Variants in KCNG2 observed in about 807,000 individuals in gnomAD.
KCNG2 encodes potassium voltage-gated channel modifier subfamily G member 2.
Under a neutral mutation model 12.3 loss-of-function variants are expected in KCNG2, and 7 were observed. That is an observed-to-expected ratio of 0.57 (90% confidence interval 0.32 to 1.07). KCNG2 has a LOEUF of 1.07. Among genes scored for constraint, KCNG2 ranks in the 50% least tolerant of loss-of-function variants. The pLI is 0.04. For missense variants in KCNG2, 703 were observed against 726.0 expected (o/e 0.97, Z 0.36); for synonymous variants, 414 against 351.4 (o/e 1.18, Z -1.99).
In KCNG2 at chr18:79,798,250, C is replaced by T. The variant is rs1054541971; in HGVS notation, c.-115+236C>T. Among the ~76,000 whole-genome samples the T allele has an allele frequency of 2.8e-4, 43 of 151,992 alleles. 1 individual carries two copies. The Middle Eastern group carries it at 0.014, about 48-fold the overall frequency. ...GGCCGGGCGGGGCTGGTGCCTCCCC[C>T]TCCCGCTCAGCGCCCAGAGTCCGGG... is the stretch of plus-strand genomic sequence containing the variant. On this transcript the variant is annotated intron_variant, in intron 1 of 3. Coordinates refer to ENST00000316249, the MANE Select transcript of KCNG2 (RefSeq NM_012283.2).
intron 1 of KCNG2, among the ~76,000 whole-genome samples, chr18:79,810,844 A>C (rs1207465264): frequency 6.6e-6 from 1 of 152,248 alleles, no homozygotes; most frequent in Non-Finnish European, 1.5e-5. Context: ...AGGACTGTCC[A>C]ACCTTAGAAG....
chr18:79,899,398 TC>T lies in KCNG2; in HGVS notation c.985del (p.Leu329SerfsTer39). On this transcript the variant is annotated frameshift_variant, in exon 4 of 4. Coordinates refer to ENST00000316249, the MANE Select transcript of KCNG2 (RefSeq NM_012283.2). LOFTEE classifies it low-confidence loss of function (END_TRUNC). ...CAREFGLLLLFLCVAMALFAP... is the reference protein window; with the variant it reads ...CAREFGLLLLXLCVAMALFAP... ...CGCGAGTTCGGGCTGCTGCTGCTGTTCCTCTGCGTGGCCATGGCGCTCTTCG... is the reference window on the plus strand; with the variant it reads ...CGCGAGTTCGGGCTGCTGCTGCTGTTCTCTGCGTGGCCATGGCGCTCTTCG... 6.3e-7 allele frequency: 1 copy of T among 1,578,710 alleles called. No homozygotes were observed. The highest frequency in any genetic ancestry group is 8.6e-7 in the Non-Finnish European group (1 of 1,167,420).
intron 1 of KCNG2, chr18:79,816,037 T>G (rs2087525562): frequency 2.0e-5 from 3 of 152,272 alleles, no homozygotes; most frequent in Non-Finnish European, 4.4e-5. Context: ...TACTGTCTGA[T>G]TTTCCATTTT....
Position 79,822,788 on chromosome 18 carries a change from G to A in KCNG2, c.-115+24774G>A, listed in dbSNP as rs1182064653. 1.3e-5 allele frequency among the ~76,000 whole-genome samples: 2 copies of A among 152,146 alleles called. No individual in the cohort carries two copies. The highest frequency in any genetic ancestry group is 4.8e-5 in the African/African-American group (2 of 41,426). ...GAGCCTGCTGCGTGTGGCTCTTCTA[G>A]TCTTTAGCCTCCGGATTTCATGGAA... On this transcript the variant is annotated intron_variant, in intron 1 of 3. Coordinates refer to ENST00000316249, the MANE Select transcript of KCNG2 (RefSeq NM_012283.2). The surrounding 1 kb of genome is among the most constrained non-coding windows in gnomAD (Gnocchi z 4.4).
intron 1 of KCNG2, among the ~76,000 whole-genome samples, chr18:79,799,615 T>C (rs1288658287): frequency 1.3e-5 from 2 of 152,240 alleles, no homozygotes; most frequent in African/African-American, 4.8e-5. Flanking sequence ...GTGCCAGTTG[T>C]TAGATTCCAC....
intron 2 of KCNG2, among the ~76,000 whole-genome samples, chr18:79,860,405 G>A (rs1391806553): frequency 6.6e-6 from 1 of 152,178 alleles, no homozygotes; most frequent in Non-Finnish European, 1.5e-5. Flanking sequence ...TCCAATACAT[G>A]AGCATGGAAT....
intron 3 of KCNG2, among the ~76,000 whole-genome samples, chr18:79,865,416 GAA>G (rs1341857957): frequency 2.1e-4 from 28 of 130,364 alleles, no homozygotes; most frequent in African/African-American, 7.2e-4. Context: ...TCTGGGTGCT[GAA>G]AGGTCTGGGT....
At chr18:79,871,145 C>T (rs900424096) in intron 3 of KCNG2, among the ~76,000 whole-genome samples, 2 of 152,194 alleles carry the variant, frequency 1.3e-5, no homozygotes, top group Non-Finnish European at 2.9e-5. Context: ...GGTCAGCCTT[C>T]GTGTCAGGCA....
At chr18:79,875,718 T>C (rs1462084518) in intron 3 of KCNG2, among the ~76,000 whole-genome samples, 4 of 152,136 alleles carry the variant, frequency 2.6e-5, no homozygotes, top group African/African-American at 9.6e-5. Flanking sequence ...AAGACTGTGG[T>C]GTTCACGGGG....
intron 3 of KCNG2, among the ~76,000 whole-genome samples, chr18:79,888,700 T>C (rs1044690353): frequency 1.4e-5 from 2 of 145,630 alleles, no homozygotes; most frequent in African/African-American, 2.5e-5. Flanking sequence ...TTTTGCCCAA[T>C]TTTTTTTTTT....
At chr18:79,877,647 G>A (rs937788265) in intron 3 of KCNG2, among the ~76,000 whole-genome samples, 1 of 151,810 alleles carries the variant, frequency 6.6e-6, no homozygotes, top group African/African-American at 2.4e-5. Context: ...AATCTTCTGT[G>A]CTCTGAATTG....
At chr18:79,842,406 T>G (rs1978488183) in intron 1 of KCNG2, among the ~76,000 whole-genome samples, 1 of 152,212 alleles carries the variant, frequency 6.6e-6, no homozygotes, top group South Asian at 2.1e-4. Flanking sequence ...AAGAGGTGCT[T>G]GCTTCTTTAA....
intron 3 of KCNG2, 148 bp from the exon 4 acceptor site, chr18:79,898,892 C>A (rs1981076591): frequency 3.5e-6 from 2 of 573,272 alleles, no homozygotes; most frequent in South Asian, 4.8e-5. Flanking sequence ...AGGAACTGGG[C>A]CTGTCAATAT....
At chr18:79,846,227 G>T (rs1170259564) in intron 1 of KCNG2, among the ~76,000 whole-genome samples, 1 of 151,178 alleles carries the variant, frequency 6.6e-6, no homozygotes, top group Non-Finnish European at 1.5e-5. Flanking sequence ...CAAAAAATTG[G>T]CCAGGCGTGG....
At chr18:79,887,234 G>C (rs12454819) in intron 3 of KCNG2, among the ~76,000 whole-genome samples, 18,917 of 151,820 alleles carry the variant, frequency 0.12, 1,526 homozygotes, top group East Asian at 0.36. Context: ...CAGGGACAGG[G>C]ACACAGGGAG....
intron 1 of KCNG2, among the ~76,000 whole-genome samples, chr18:79,840,725 A>AT (rs1487099739): frequency 6.6e-6 from 1 of 152,228 alleles, no homozygotes; most frequent in Admixed American, 6.5e-5. Context: ...ACTTTGTGGT[A>AT]TTGGTGGAGG....
chr18:79,852,072 T>C (rs191065035), intron 1 of KCNG2, among the ~76,000 whole-genome samples: 122 of 152,316 alleles, frequency 8.0e-4, no homozygotes, highest in African/African-American at 2.8e-3. Flanking sequence ...CTAGCTCTAA[T>C]TGTTAACGCT....
intron 1 of KCNG2, among the ~76,000 whole-genome samples, chr18:79,804,529 C>A (rs2087434706): frequency 6.6e-6 from 1 of 152,230 alleles, no homozygotes; most frequent in Admixed American, 6.5e-5. Flanking sequence ...GGTCCTGAGC[C>A]AAGGTGCAGA....
At position 79,879,442 on chromosome 18, in the gene KCNG2, C is replaced by T. The variant is rs374652413; in HGVS notation, c.624+15151C>T. 7.9e-5 allele frequency among the ~76,000 whole-genome samples: 12 copies of T among 152,212 alleles called. No homozygotes were observed. In the East Asian group the frequency reaches 1.6e-3, roughly 20 times the overall value. On this transcript the variant is annotated intron_variant, in intron 3 of 3. Transcript: ENST00000316249. ...AAACATCAGGAGTTATAATCAGGGA[C>T]GCCAAGAGGGCAGAGCAGGGCTGTG... is the stretch of plus-strand genomic sequence containing the variant.
Sources: gnomAD v4.1 joint callset for allele counts (sites outside exome capture counted in the v4.1 genomes callset) on GRCh38, gnomAD v4.1.1 for gene constraint, Gnocchi (gnomAD v3.1) non-coding constraint, MANE v1.5 for transcripts, NCBI Gene and HGNC (gene_info 2026-07-23, HGNC 2026-07-21) for gene names.